Variants in DOK6 observed in about 807,000 individuals in gnomAD.
DOK6 encodes docking protein 6.
A neutral mutation model predicts 44.0 loss-of-function variants in DOK6; 22 were observed. That is an observed-to-expected ratio of 0.50 (90% CI 0.36 to 0.71). The LOEUF (loss-of-function observed/expected upper bound fraction) is 0.71, where lower values mean the gene tolerates loss of function less well. Among genes scored for constraint, DOK6 ranks in the 30% least tolerant of loss-of-function variants. DOK6 has a pLI of 0.00. For missense variants in DOK6, 340 were observed against 416.4 expected (o/e 0.82, Z 1.60); for synonymous variants, 166 against 145.5 (o/e 1.14, Z -1.01).
intron 7 of DOK6, among the ~76,000 whole-genome samples, chr18:69,836,697 G>A (rs1231658850): frequency 6.6e-6 from 1 of 152,116 alleles, no homozygotes; most frequent in Non-Finnish European, 1.5e-5. Flanking sequence ...TCTTTAGTGG[G>A]TGATCTGGAG....
chr18:69,417,601 T>C (rs1391578375), intron 1 of DOK6, among the ~76,000 whole-genome samples: 1 of 152,142 alleles, frequency 6.6e-6, no homozygotes, highest in African/African-American at 2.4e-5. Context: ...TGCTGGATCA[T>C]ATGGCAATTC....
chr18:69,686,962 AGTT>A (rs1480118704), intron 4 of DOK6, among the ~76,000 whole-genome samples: 5 of 152,186 alleles, frequency 3.3e-5, no homozygotes, highest in African/African-American at 7.2e-5. Context: ...AGTTCCAAAT[AGTT>A]GTTAAGTTAT....
chr18:69,633,622 A>G (rs1249533383), intron 3 of DOK6, among the ~76,000 whole-genome samples: 1 of 152,196 alleles, frequency 6.6e-6, no homozygotes, highest in Non-Finnish European at 1.5e-5. Context: ...GTTTTCCTTT[A>G]AAGCCTATTT....
intron 3 of DOK6, among the ~76,000 whole-genome samples, chr18:69,653,017 C>A (rs542640764): frequency 6.6e-6 from 1 of 152,108 alleles, no homozygotes; most frequent in Non-Finnish European, 1.5e-5. Context: ...CTATGGGGGA[C>A]TTACTTTTAT....
chr18:69,612,468 T>TGCGAGGGCGCCTGTGTGCGAGGGCGC (rs1351653077), intron 3 of DOK6, among the ~76,000 whole-genome samples: 1 of 149,726 alleles, frequency 6.7e-6, no homozygotes, highest in African/African-American at 2.5e-5. Context: ...CGTGCATATG[T>TGCGAGGGCGCCTGTGTGCGAGGGCGC]ATTTCTTGCT....
At chr18:69,693,990 C>T (rs935273795) in intron 4 of DOK6, among the ~76,000 whole-genome samples, 7 of 129,188 alleles carry the variant, frequency 5.4e-5, no homozygotes, top group Non-Finnish European at 9.4e-5. Context: ...ACCCGGGAGG[C>T]GGAGCTTGCA....
intron 5 of DOK6, among the ~76,000 whole-genome samples, chr18:69,727,640 C>T (rs965323696): frequency 8.5e-5 from 13 of 152,084 alleles, no homozygotes; most frequent in Admixed American, 5.9e-4. Flanking sequence ...TGTGAGACCA[C>T]GGTAAAAGAA....
chr18:69,628,317 C>G (rs113291120), intron 3 of DOK6, among the ~76,000 whole-genome samples: 1,978 of 152,148 alleles, frequency 0.013, 31 homozygotes, highest in African/African-American at 0.046. Context: ...TTGGTGAAAC[C>G]CCATGTTTAC....
intron 1 of DOK6, among the ~76,000 whole-genome samples, chr18:69,542,406 GTTA>G (rs1982292904): frequency 6.6e-6 from 1 of 151,436 alleles, no homozygotes; most frequent in Non-Finnish European, 1.5e-5. Flanking sequence ...TAAGATGTTA[GTTA>G]TTATTACTGA....
intron 1 of DOK6, among the ~76,000 whole-genome samples, chr18:69,415,644 T>C (rs1164560771): frequency 6.6e-6 from 1 of 152,214 alleles, no homozygotes; most frequent in East Asian, 1.9e-4. Flanking sequence ...TTATGTAACA[T>C]TTTGGCTTAC....
chr18:69,447,336 G>A (rs1390221815), intron 1 of DOK6, among the ~76,000 whole-genome samples: 1 of 151,566 alleles, frequency 6.6e-6, no homozygotes, highest in Admixed American at 6.6e-5. Context: ...TCTTTTTTTT[G>A]TCAGGTTTGT....
intron 7 of DOK6, among the ~76,000 whole-genome samples, chr18:69,826,056 T>G (rs12956387): frequency 0.038 from 5,815 of 152,272 alleles, 145 homozygotes; most frequent in Non-Finnish European, 0.055. Context: ...CATTACTGTC[T>G]GTGTACTTCA....
intron 1 of DOK6, 49 bp downstream of exon 1, chr18:69,401,359 G>T: frequency 7.0e-7 from 1 of 1,427,376 alleles, no homozygotes. Flanking sequence ...GTTCGGCCCG[G>T]CTGGCTGCCT....
At chr18:69,488,420 C>T (rs1267212631) in intron 1 of DOK6, among the ~76,000 whole-genome samples, 1 of 152,176 alleles carries the variant, frequency 6.6e-6, no homozygotes, top group Non-Finnish European at 1.5e-5. Context: ...CTGGTGCCAC[C>T]AGCTCATTAG....
At chr18:69,428,014 G>A (rs1263854777) in intron 1 of DOK6, among the ~76,000 whole-genome samples, 1 of 152,152 alleles carries the variant, frequency 6.6e-6, no homozygotes, top group Non-Finnish European at 1.5e-5. Flanking sequence ...CTGTCCCCAG[G>A]TGATCCGCCG....
intron 7 of DOK6, among the ~76,000 whole-genome samples, chr18:69,817,983 T>C (rs1032158647): frequency 5.9e-5 from 9 of 152,182 alleles, no homozygotes; most frequent in East Asian, 5.8e-4. Context: ...GTTTGGACTT[T>C]CTTAGAGAAC....
intron 7 of DOK6, among the ~76,000 whole-genome samples, chr18:69,810,367 A>G (rs191054667): frequency 9.9e-5 from 15 of 152,170 alleles, no homozygotes; most frequent in Admixed American, 9.8e-4. Context: ...TACTAGAAGA[A>G]CACATAGAGG....
At chr18:69,807,740 A>T (rs1981096148) in intron 7 of DOK6, among the ~76,000 whole-genome samples, 1 of 151,896 alleles carries the variant, frequency 6.6e-6, no homozygotes, top group South Asian at 2.1e-4. Flanking sequence ...TCATCAAGAG[A>T]ATACAATTGT....
At chr18:69,436,026 T>C (rs1041781838) in intron 1 of DOK6, among the ~76,000 whole-genome samples, 2 of 152,206 alleles carry the variant, frequency 1.3e-5, no homozygotes, top group Admixed American at 1.3e-4. Context: ...AGGTTTTTAA[T>C]ATTTATGTCC....
Sources: gnomAD v4.1 joint callset for allele counts (sites outside exome capture counted in the v4.1 genomes callset) on GRCh38, gnomAD v4.1.1 for gene constraint, MANE v1.5 for transcripts, NCBI Gene and HGNC (gene_info 2026-07-23, HGNC 2026-07-21) for gene names.